The following RFX3 variants were observed in gnomAD, a reference collection of about 807,000 sequenced individuals.
RFX3 encodes regulatory factor X3.
Under a neutral mutation model 98.6 loss-of-function variants are expected in RFX3, and 14 were observed. The ratio of observed to expected loss-of-function variants is 0.14; its 90% confidence interval spans 0.09 to 0.22. RFX3 has a LOEUF of 0.22. Ranked by LOEUF, RFX3 falls within the 10% of genes least tolerant of loss-of-function variation. The pLI is 1.00. For missense variants in RFX3, 639 were observed against 926.9 expected (o/e 0.69, Z 4.03); for synonymous variants, 383 against 328.4 (o/e 1.17, Z -1.80).
chr9:3,503,770 G>C (rs893020703), intron 1 of RFX3, among the ~76,000 whole-genome samples: 3 of 151,958 alleles, frequency 2.0e-5, no homozygotes, highest in Non-Finnish European at 4.4e-5. Flanking sequence ...CTAGATGATA[G>C]CTATGCTATA....
intron 7 of RFX3, among the ~76,000 whole-genome samples, chr9:3,283,705 T>A: frequency 6.6e-6 from 1 of 151,820 alleles, no homozygotes; most frequent in Non-Finnish European, 1.5e-5. Flanking sequence ...TTACTTCACA[T>A]CCTGTGAAAG....
At chr9:3,233,583 G>T (rs1258163357) in intron 15 of RFX3, among the ~76,000 whole-genome samples, 1 of 152,168 alleles carries the variant, frequency 6.6e-6, no homozygotes, top group African/African-American at 2.4e-5. Context: ...GAGAAGGAAA[G>T]AGCTCAGGGG....
chr9:3,229,271 A>C (rs1818172788), intron 15 of RFX3, among the ~76,000 whole-genome samples: 1 of 152,216 alleles, frequency 6.6e-6, no homozygotes, highest in Non-Finnish European at 1.5e-5. Flanking sequence ...TCCACCCCCT[A>C]TACTTGGCAG....
intron 8 of RFX3, 65 bp from the exon 9 acceptor site, chr9:3,275,677 G>A (rs941614823): frequency 2.1e-6 from 2 of 948,138 alleles, no homozygotes; most frequent in East Asian, 2.5e-5. Context: ...GATTAATGAG[G>A]GAAAATTTAA....
chr9:3,349,622 T>A (rs1834862344), intron 2 of RFX3, among the ~76,000 whole-genome samples: 1 of 152,058 alleles, frequency 6.6e-6, no homozygotes, highest in Non-Finnish European at 1.5e-5. Context: ...TATGTTTAGG[T>A]TTATCCTTTC....
intron 1 of RFX3, among the ~76,000 whole-genome samples, chr9:3,421,719 G>A (rs1249412619): frequency 1.3e-5 from 2 of 152,178 alleles, no homozygotes; most frequent in Non-Finnish European, 2.9e-5. Context: ...TAGAGTTGCT[G>A]TGTGACACAG....
chr9:3,375,169 T>C (rs907041078), intron 2 of RFX3, among the ~76,000 whole-genome samples: 21 of 152,210 alleles, frequency 1.4e-4, no homozygotes, highest in African/African-American at 4.6e-4. Context: ...AAATACAAAA[T>C]TCTTCAGATT....
At chr9:3,343,901 C>T (rs1300598685) in intron 3 of RFX3, among the ~76,000 whole-genome samples, 5 of 152,156 alleles carry the variant, frequency 3.3e-5, no homozygotes, top group Non-Finnish European at 7.4e-5. Context: ...ATGATCTAAC[C>T]AGCTGAGCTA....
At chr9:3,350,166 A>G (rs1379320123) in intron 2 of RFX3, among the ~76,000 whole-genome samples, 1 of 152,188 alleles carries the variant, frequency 6.6e-6, no homozygotes, top group African/African-American at 2.4e-5. Context: ...GACACTGTGA[A>G]GAAAATGAAA....
chr9:3,294,020 G>C (rs1260170754), intron 5 of RFX3, among the ~76,000 whole-genome samples: 4 of 152,042 alleles, frequency 2.6e-5, no homozygotes, highest in African/African-American at 9.7e-5. Context: ...ACATTCTAAA[G>C]TTTTATGTTA....
chr9:3,478,767 A>C (rs1187553806), intron 1 of RFX3, among the ~76,000 whole-genome samples: 1 of 152,144 alleles, frequency 6.6e-6, no homozygotes, highest in Non-Finnish European at 1.5e-5. Flanking sequence ...AAAGTTCCCT[A>C]TAGTTGGCTA....
At chr9:3,434,984 G>C (rs1844986257) in intron 1 of RFX3, among the ~76,000 whole-genome samples, 1 of 151,824 alleles carries the variant, frequency 6.6e-6, no homozygotes, top group Non-Finnish European at 1.5e-5. Flanking sequence ...GAAACACAGT[G>C]TTAAGTACTT....
At chr9:3,355,048 G>A (rs373032323) in intron 2 of RFX3, among the ~76,000 whole-genome samples, 64 of 151,742 alleles carry the variant, frequency 4.2e-4, no homozygotes, top group African/African-American at 1.5e-3. Context: ...GTTGAACACA[G>A]ACTGATAAAT....
chr9:3,491,497 T>A (rs1850716329), intron 1 of RFX3, among the ~76,000 whole-genome samples: 1 of 152,198 alleles, frequency 6.6e-6, no homozygotes, highest in African/African-American at 2.4e-5. Flanking sequence ...CAGTTATAAA[T>A]GTTTATAATT....
At chr9:3,423,848 A>C (rs1428312952) in intron 1 of RFX3, among the ~76,000 whole-genome samples, 1 of 147,476 alleles carries the variant, frequency 6.8e-6, no homozygotes, top group Non-Finnish European at 1.5e-5. Flanking sequence ...AAATCTTAGA[A>C]TATATTTAAA....
At chr9:3,467,275 CAT>C (rs961030348) in intron 1 of RFX3, among the ~76,000 whole-genome samples, 11 of 142,776 alleles carry the variant, frequency 7.7e-5, no homozygotes, top group Admixed American at 1.4e-4. Context: ...TACATACATA[CAT>C]ATATATACAT....
intron 1 of RFX3, among the ~76,000 whole-genome samples, chr9:3,450,579 G>C (rs1846509100): frequency 6.6e-6 from 1 of 152,058 alleles, no homozygotes; most frequent in Admixed American, 6.5e-5. Context: ...TGAATTACAT[G>C]TCTTTTATAG....
intron 2 of RFX3, among the ~76,000 whole-genome samples, chr9:3,362,669 G>C (rs1169167141): frequency 2.6e-5 from 4 of 152,188 alleles, no homozygotes; most frequent in Non-Finnish European, 4.4e-5. Flanking sequence ...TGAACTTCTT[G>C]AGAAGAATAA....
intron 2 of RFX3, among the ~76,000 whole-genome samples, chr9:3,392,366 G>A (rs985032010): frequency 2.0e-5 from 3 of 150,946 alleles, no homozygotes; most frequent in Middle Eastern, 3.4e-3. Context: ...TCTTCAGAAA[G>A]GTAAAAGAAA....
Sources: gnomAD v4.1 joint callset for allele counts (sites outside exome capture counted in the v4.1 genomes callset) on GRCh38, gnomAD v4.1.1 for gene constraint, MANE v1.5 for transcripts, NCBI Gene and HGNC (gene_info 2026-07-23, HGNC 2026-07-21) for gene names.